PPIP5K2: variants seen among roughly 807,000 people sequenced by gnomAD.
PPIP5K2 encodes the protein diphosphoinositol pentakisphosphate kinase 2, also known as inositol hexakisphosphate and diphosphoinositol-pentakisphosphate kinase 2.
A neutral mutation model predicts 154.6 loss-of-function variants in PPIP5K2; 105 were observed. The ratio of observed to expected loss-of-function variants is 0.68; its 90% CI spans 0.58 to 0.80. PPIP5K2 has a LOEUF of 0.80. PPIP5K2 is among the 30% of genes least tolerant of loss of function. The pLI, the probability that PPIP5K2 is intolerant of heterozygous loss-of-function variation, is 0.00. For missense variants in PPIP5K2, 992 were observed against 1,504.6 expected (o/e 0.66, Z 5.64); for synonymous variants, 480 against 490.3 (o/e 0.98, Z 0.28).
intron 26 of PPIP5K2, 83 bp downstream of exon 26, chr5:103,184,827 A>C: frequency 5.0e-6 from 5 of 995,748 alleles, no homozygotes; most frequent in Non-Finnish European, 6.2e-6. Context: ...TGGTGAAAGC[A>C]TGACCAAATG....
rs952955033 is a variant in PPIP5K2, at chr5:103,158,360, T to C, written c.1615+47T>C. On this transcript the variant is annotated intron_variant, in intron 15 of 30. Coordinates refer to ENST00000358359, the MANE Select transcript of PPIP5K2 (RefSeq NM_001276277.3). ...AATTTGACTAATTTCATAAATTGTA[T>C]TTTGAAATCCTCATTTGTGATGTTA... is the stretch of plus-strand genomic sequence containing the variant. 3.8e-6 allele frequency: 6 copies of C among 1,596,896 alleles called. No homozygotes were observed. The South Asian group carries it at 4.6e-5, about 12-fold the overall frequency.
intron 5 of PPIP5K2, among the ~76,000 whole-genome samples, chr5:103,145,336 G>A (rs1793582731): frequency 6.6e-6 from 1 of 152,074 alleles, no homozygotes; most frequent in Admixed American, 6.5e-5. Flanking sequence ...AGAACAAAAT[G>A]GAGGTTCCTC....
In PPIP5K2 at chr5:103,129,601, C is replaced by T. The variant is rs201533143; in HGVS notation, c.12C>T (p.Ala4=). 54 of 1,591,830 alleles carry T rather than the reference C, an allele frequency of 3.4e-5. No individual in the cohort carries two copies. The East Asian group carries it at 1.1e-3, about 32-fold the overall frequency. The change falls in exon 2 of 31, where the codon GCC becomes GCT. Residue 4 remains alanine (A), a synonymous_variant. Transcript: ENST00000358359. The part of the protein sequence containing the change: MSE[A]PRFFVGPEDT... ...CAAATAAAATAAAAATGAGTGAAGCCCCCAGATTCTTCGTTGGACCAGAAG... is the reference window on the plus strand; with the variant it reads ...CAAATAAAATAAAAATGAGTGAAGCTCCCAGATTCTTCGTTGGACCAGAAG...
chr5:103,133,966 A>G (rs534586944), intron 3 of PPIP5K2, among the ~76,000 whole-genome samples: 17 of 152,204 alleles, frequency 1.1e-4, no homozygotes, highest in African/African-American at 3.6e-4. Flanking sequence ...GTGTGGATAT[A>G]CCATAACATA....
Position 103,177,906 on chromosome 5 carries a change from A to G in PPIP5K2, c.2680A>G (p.Ser894Gly), listed in dbSNP as rs1798952716. Residue 894 changes from serine (S) to glycine (G), a missense_variant, in exon 23 of 31, where the codon AGT becomes GGT. Around this residue, in one of 9 missense-constraint regions of PPIP5K2, gnomAD observed 157 missense variants for 281.2 expected, o/e 0.56. Transcript: ENST00000358359. ...ACGCTTTCATGTTGAATTACACTTT[A>G]GTCCGGGAGCCAAAGGTTGTGAAGA... ...EERFHVELHF[S>G]PGAKGCEEDK... The G allele has an allele frequency of 6.2e-7, 1 of 1,613,236 alleles. No individual in the cohort carries two copies. Among genetic ancestry groups the G allele is most frequent in the African/African-American group, 1.3e-5 (1 of 74,904 alleles).
At chr5:103,187,246 C>A in intron 27 of PPIP5K2, 68 bp from the exon 28 acceptor site, 1 of 1,218,968 alleles carries the variant, frequency 8.2e-7, no homozygotes, top group Non-Finnish European at 1.2e-6. Context: ...TTGTTTTTCC[C>A]CTCTTTCTTT....
chr5:103,177,833 C>A, intron 22 of PPIP5K2, 31 bp from the exon 23 acceptor site: 1 of 1,599,650 alleles, frequency 6.3e-7, no homozygotes, highest in South Asian at 1.1e-5. Context: ...TAAAGTTTCT[C>A]ATTTTGAAAA....
At chr5:103,198,980 T>A (rs1420582959) in intron 30 of PPIP5K2, among the ~76,000 whole-genome samples, 2 of 152,072 alleles carry the variant, frequency 1.3e-5, no homozygotes, top group Non-Finnish European at 2.9e-5. Context: ...AAATATATAT[T>A]CCTAATTTTT....
intron 7 of PPIP5K2, 60 bp downstream of exon 7, chr5:103,148,092 A>G: frequency 8.4e-7 from 1 of 1,185,140 alleles, no homozygotes; most frequent in Non-Finnish European, 1.2e-6. Flanking sequence ...GATATCAGAA[A>G]AAGTAGTTAA....
intron 2 of PPIP5K2, among the ~76,000 whole-genome samples, chr5:103,130,130 G>C: frequency 6.6e-6 from 1 of 152,128 alleles, no homozygotes. Flanking sequence ...TGGTTGAACC[G>C]AAGATACTCA....
intron 25 of PPIP5K2, chr5:103,184,460 G>A (rs1223484721): frequency 9.3e-6 from 4 of 429,314 alleles, no homozygotes; most frequent in Non-Finnish European, 1.7e-5. Flanking sequence ...CATTCTGAAT[G>A]CCTGCTTCGC....
intron 17 of PPIP5K2, among the ~76,000 whole-genome samples, chr5:103,163,094 T>G (rs1365925181): frequency 6.6e-6 from 1 of 151,134 alleles, no homozygotes; most frequent in African/African-American, 2.4e-5. Flanking sequence ...GTGTTTTTTT[T>G]TTTTTTTTTT....
intron 17 of PPIP5K2, among the ~76,000 whole-genome samples, chr5:103,166,713 C>T (rs568536474): frequency 6.6e-6 from 1 of 151,908 alleles, no homozygotes; most frequent in South Asian, 2.1e-4. Context: ...AGTCTTACAA[C>T]AGAGGGAACT....
At chr5:103,123,363 G>A (rs1554199677) in intron 1 of PPIP5K2, among the ~76,000 whole-genome samples, 1 of 152,218 alleles carries the variant, frequency 6.6e-6, no homozygotes, top group Non-Finnish European at 1.5e-5. Context: ...TGTTCTCATA[G>A]TGTGATTCCA....
At chr5:103,155,842 G>C in intron 13 of PPIP5K2, 67 bp from the exon 14 acceptor site, 1 of 988,550 alleles carries the variant, frequency 1.0e-6, no homozygotes, top group Non-Finnish European at 1.6e-6. Flanking sequence ...AAATAAAAGG[G>C]AGCATGAATA....
At chr5:103,162,350 C>CTTTTTTTTTTTTTTTTTT (rs200973581) in intron 17 of PPIP5K2, among the ~76,000 whole-genome samples, 5 of 138,554 alleles carry the variant, frequency 3.6e-5, no homozygotes, top group Non-Finnish European at 3.1e-5. Flanking sequence ...GATGTGTTTT[C>CTTTTTTTTTTTTTTTTTT]TTTTTTTTTT....
At chr5:103,194,562 C>G (rs1417367520) in intron 29 of PPIP5K2, among the ~76,000 whole-genome samples, 5 of 152,088 alleles carry the variant, frequency 3.3e-5, no homozygotes, top group African/African-American at 1.2e-4. Flanking sequence ...ATTCTGTTAC[C>G]AGGCAAGAAA....
chr5:103,150,255 T>A (rs1794411928), intron 8 of PPIP5K2, among the ~76,000 whole-genome samples: 1 of 152,174 alleles, frequency 6.6e-6, no homozygotes, highest in African/African-American at 2.4e-5. Context: ...AGCCTGTAAA[T>A]AAGTTTTAAT....
intron 14 of PPIP5K2, 100 bp from the exon 15 acceptor site, chr5:103,158,087 CA>C (rs1360114163): frequency 2.3e-5 from 28 of 1,216,718 alleles, no homozygotes; most frequent in Non-Finnish European, 3.2e-5. Flanking sequence ...ACATATGGGC[CA>C]TATTTCACTG....
Sources: allele counts gnomAD v4.1 joint callset (sites outside exome capture counted in the v4.1 genomes callset), GRCh38; gene constraint gnomAD v4.1.1; regional missense constraint gnomAD v4.1.1; transcripts MANE v1.5; gene names NCBI Gene and HGNC (gene_info 2026-07-23, HGNC 2026-07-21).